The following HLA-DPB1 variants were observed in gnomAD, a reference collection of about 807,000 sequenced individuals.
HLA-DPB1 encodes HLA class II histocompatibility antigen, DP beta 1 chain.
HLA-DPB1 carries 30 observed loss-of-function variants against 29.4 expected under a neutral mutation model. The observed-to-expected ratio is 1.02, with a 90% CI of 0.76 to 1.38. The LOEUF is 1.38. HLA-DPB1 is among the 40% of genes most tolerant of loss of function. The probability of loss-of-function intolerance (pLI) is 0.00; values close to 1 mark genes in which losing one functional copy is unlikely to be tolerated. For synonymous variants in HLA-DPB1, 114 were observed against 134.0 expected (o/e 0.85, Z 1.03); for missense variants, 261 against 327.5 (o/e 0.80, Z 1.57).
At chr6:33,086,297 C>T (rs9277496) in intron 5 of HLA-DPB1, 55 bp downstream of exon 5, 203,428 of 1,266,986 alleles carry the variant, frequency 0.16, 21,081 homozygotes, top group East Asian at 0.54. Context: ...GATATGAGTC[C>T]TTTCTGTGCA....
chr6:33,079,393 C>A, intron 1 of HLA-DPB1: 1 of 184,954 alleles, frequency 5.4e-6, no homozygotes. Context: ...AAAATTACAT[C>A]AATGCTGTCT....
Position 33,086,968 on chromosome 6 carries a change from T to C in HLA-DPB1, c.*434T>C. ...ACACATGACACTCTTCTGAATTGAC[T>C]GTATTTCAGTGAGCTGCCCCCAAAT... is the stretch of plus-strand genomic sequence containing the variant. On this transcript the variant is annotated 3_prime_UTR_variant, in exon 6 of 6. Transcript: ENST00000418931. 4.6e-6 allele frequency: 1 copy of C among 217,510 alleles called. No individual in the cohort carries two copies. Among genetic ancestry groups the C allele is most frequent in the Non-Finnish European group, 9.1e-6 (1 of 109,856 alleles). The allele number at this position is 217,510 out of a possible 1,614,324, so 13.5% of individuals were successfully genotyped here.
In HLA-DPB1 at chr6:33,076,066, G is replaced by GC. The variant is rs1048293876; in HGVS notation, c.31dup (p.Arg11ProfsTer38). 2.5e-6 allele frequency: 4 copies of GC among 1,612,196 alleles called. No individual in the cohort carries two copies. The African/African-American group carries it at 4.0e-5, about 16-fold the overall frequency. On this transcript the variant is annotated frameshift_variant, in exon 1 of 6. Transcript: ENST00000418931. LOFTEE classifies it high-confidence loss of function. Reference sequence around the variant, plus strand: ...CATGATGGTTCTGCAGGTTTCTGCGGCCCCCCGGACAGTGGCTCTGACGGC... The same window carrying GC: ...CATGATGGTTCTGCAGGTTTCTGCGGCCCCCCCGGACAGTGGCTCTGACGGC...
At chr6:33,079,842 C>A in intron 1 of HLA-DPB1, 1 of 375,882 alleles carries the variant, frequency 2.7e-6, no homozygotes, top group South Asian at 2.1e-5. Flanking sequence ...CCAGGGTGCA[C>A]AGCTAAGAAA....
At chr6:33,081,196 G>A in intron 2 of HLA-DPB1, 2 of 506,092 alleles carry the variant, frequency 4.0e-6, no homozygotes. Flanking sequence ...ACTGCATGTG[G>A]GGTGAAAAAA....
Position 33,080,342 on chromosome 6 carries a change from C to T in HLA-DPB1, c.101-330C>T, listed in dbSNP as rs41270518. 12,874 of 517,854 alleles carry T rather than the reference C, an allele frequency of 0.025. 267 individuals are homozygous for T. The highest frequency in any genetic ancestry group is 0.039 in the Non-Finnish European group (10,326 of 264,216). 32.1% of individuals were successfully genotyped at this position (517,854 alleles called of 1,614,324 possible). On this transcript the variant is annotated intron_variant, in intron 1 of 5. Coordinates refer to ENST00000418931, the MANE Select transcript of HLA-DPB1 (RefSeq NM_002121.6). This position sits in a 1 kb window ranked among gnomAD's most constrained non-coding sequence, Gnocchi z 4.3. ...GCTCCTCCCGCCCCTGTTTTTTCTC[C>T]CAGTGACCCCACGTGAAACGTCTCC...
rs2567284 is a variant in HLA-DPB1 at position 33,080,535 on chromosome 6, G to A, written c.101-137G>A. On this transcript the variant is annotated intron_variant, in intron 1 of 5. Transcript: ENST00000418931. The surrounding 1 kb of genome is among the most constrained non-coding windows in gnomAD (Gnocchi z 4.3). ...GACCCGCTTAGGACCACAGAACTCG[G>A]TACTAGGAAAACTCCTATTTTAAAA... 0.01 allele frequency: 12,943 copies of A among 1,281,896 alleles called. 184 individuals carry two copies. Among genetic ancestry groups the A allele is most frequent in the African/African-American group, 0.064 (4,269 of 66,724 alleles). The allele number at this position is 1,281,896 out of a possible 1,614,324, so 79.4% of individuals were successfully genotyped here. A position where few individuals can be genotyped will look rare whatever the true frequency, so the allele number is the denominator to read the frequency against.
In HLA-DPB1 at chr6:33,088,748, C is replaced by T; in HGVS notation, c.*2214C>T. ...CAGGAGGTAGAGGAGTCTTGAGGTA[C>T]ATCAGTCATTGGAGTTGAAGAGCAG... On this transcript the variant is annotated 3_prime_UTR_variant, in exon 6 of 6. Transcript: ENST00000418931. 6.6e-6 allele frequency among the ~76,000 whole-genome samples: 1 copy of T among 152,254 alleles called. No individual in the cohort carries two copies. The highest frequency in any genetic ancestry group is 2.4e-5 in the African/African-American group (1 of 41,526).
intron 1 of HLA-DPB1, 117 bp downstream of exon 1, chr6:33,076,258 T>C: frequency 1.5e-6 from 1 of 676,008 alleles, no homozygotes. Flanking sequence ...CCTAAGGCAG[T>C]GTCCTCTCTT....
intron 2 of HLA-DPB1, 149 bp from the exon 3 acceptor site, chr6:33,084,801 C>G: frequency 3.1e-6 from 2 of 649,418 alleles, no homozygotes; most frequent in Non-Finnish European, 4.9e-6. Context: ...TCCATCTCAA[C>G]AAAAAGAAAG....
chr6:33,077,350 G>T (rs1004996402), intron 1 of HLA-DPB1, among the ~76,000 whole-genome samples: 1 of 152,024 alleles, frequency 6.6e-6, no homozygotes, highest in Admixed American at 6.6e-5. Context: ...CCAAGTCTTT[G>T]CTATTGTGAA....
intron 2 of HLA-DPB1, chr6:33,082,039 G>A (rs980634366): frequency 2.6e-5 from 4 of 152,178 alleles, no homozygotes; most frequent in African/African-American, 9.7e-5. Context: ...GGAGGAGGAG[G>A]AAGCTGGGGA....
chr6:33,080,939 A>G lies in HLA-DPB1; in HGVS notation c.364+4A>G. On this transcript the variant is annotated splice_donor_region_variant and intron_variant, in intron 2 of 5. Transcript: ENST00000418931. The surrounding 1 kb of genome is among the most constrained non-coding windows in gnomAD (Gnocchi z 4.3). ...CCCATGACCCTGCAGCGCCGAGGTGAGTGAGGGCTTTGGGCCGGCGGTCCC... is the reference window on the plus strand; with the variant it reads ...CCCATGACCCTGCAGCGCCGAGGTGGGTGAGGGCTTTGGGCCGGCGGTCCC... 6.3e-7 allele frequency: 1 copy of G among 1,580,060 alleles called. No individual in the cohort carries two copies. The highest frequency in any genetic ancestry group is 8.6e-7 in the Non-Finnish European group (1 of 1,164,144).
chr6:33,087,001 A>G lies in HLA-DPB1; in HGVS notation c.*467A>G, dbSNP rs1763140676. 1 of 209,578 alleles carries G rather than the reference A, an allele frequency of 4.8e-6. No homozygotes were observed. Among genetic ancestry groups the G allele is most frequent in the African/African-American group, 2.4e-5 (1 of 41,844 alleles). 13.0% of individuals were successfully genotyped at this position (209,578 alleles called of 1,614,324 possible). A position where few individuals can be genotyped will look rare whatever the true frequency, so the allele number is the denominator to read the frequency against. ...AGTGAGCTGCCCCCAAATCAAGTTTAGTGCCCTCATCCATTTATGTCTCAG... is the reference window on the plus strand; with the variant it reads ...AGTGAGCTGCCCCCAAATCAAGTTTGGTGCCCTCATCCATTTATGTCTCAG... On this transcript the variant is annotated 3_prime_UTR_variant, in exon 6 of 6. Transcript: ENST00000418931.
At chr6:33,081,620 T>C (rs905989461) in intron 2 of HLA-DPB1, among the ~76,000 whole-genome samples, 3 of 151,458 alleles carry the variant, frequency 2.0e-5, no homozygotes, top group African/African-American at 7.3e-5. Context: ...AAACAGAAGA[T>C]GGAAAGTGGG....
intron 4 of HLA-DPB1, 38 bp from the exon 5 acceptor site, chr6:33,086,181 C>A (rs760822418): frequency 2.0e-6 from 3 of 1,512,788 alleles, no homozygotes; most frequent in Non-Finnish European, 1.8e-6. Flanking sequence ...GAGGTGGTTT[C>A]AATGGCTGAT....
intron 3 of HLA-DPB1, 30 bp from the exon 4 acceptor site, chr6:33,085,749 T>A (rs773842507): frequency 2.1e-6 from 3 of 1,433,886 alleles, no homozygotes; most frequent in African/African-American, 2.8e-5. Flanking sequence ...CTGGTGGAGG[T>A]GACACTAAAC....
chr6:33,085,372 C>T (rs759617109), intron 3 of HLA-DPB1, 141 bp downstream of exon 3: 58 of 760,434 alleles, frequency 7.6e-5, no homozygotes, highest in Non-Finnish European at 1.1e-4. Context: ...AGCTCCTGAG[C>T]ATAGTTTGAA....
intron 4 of HLA-DPB1, 40 bp downstream of exon 4, chr6:33,085,929 T>G: frequency 7.5e-7 from 1 of 1,335,494 alleles, no homozygotes; most frequent in African/African-American, 1.5e-5. Context: ...TACCTTCCCC[T>G]GGCATATTCA....
Sources: allele counts gnomAD v4.1 joint callset (sites outside exome capture counted in the v4.1 genomes callset), GRCh38; gene constraint gnomAD v4.1.1; non-coding constraint Gnocchi (gnomAD v3.1); transcripts MANE v1.5; gene names NCBI Gene and HGNC (gene_info 2026-07-23, HGNC 2026-07-21).